The following MGAT4C variants were observed in gnomAD, a reference collection of about 807,000 sequenced individuals.
MGAT4C encodes the protein MGAT4 family member C.
A neutral mutation model predicts 40.1 loss-of-function variants in MGAT4C; 19 were observed. That is an observed-to-expected ratio of 0.47 (90% CI 0.33 to 0.70). The LOEUF (loss-of-function observed/expected upper bound fraction) is 0.70. Among genes scored for constraint, MGAT4C ranks in the 30% least tolerant of loss-of-function variants. The probability of loss-of-function intolerance (pLI) is 0.02; values close to 1 mark genes in which losing one functional copy is unlikely to be tolerated. For missense variants in MGAT4C, 491 were observed against 563.2 expected, an observed-to-expected ratio of 0.87 and a Z score of 1.30; for synonymous variants, 181 against 187.1, an observed-to-expected ratio of 0.97 and a Z score of 0.27.
At chr12:86,686,552 T>G (rs1375790691) in intron 2 of MGAT4C, among the ~76,000 whole-genome samples, 2 of 152,220 alleles carry the variant, frequency 1.3e-5, no homozygotes, top group Non-Finnish European at 2.9e-5. Context: ...GAAGTGTTGT[T>G]GAATTTTATC....
At chr12:86,778,026 C>T (rs1443610921) in intron 1 of MGAT4C, among the ~76,000 whole-genome samples, 1 of 152,066 alleles carries the variant, frequency 6.6e-6, no homozygotes, top group East Asian at 1.9e-4. Context: ...ATAAATACAG[C>T]CTAGAGATAT....
intron 1 of MGAT4C, among the ~76,000 whole-genome samples, chr12:86,832,730 T>C (rs1952956255): frequency 6.6e-6 from 1 of 151,832 alleles, no homozygotes; most frequent in East Asian, 1.9e-4. Context: ...ACAAAGATTC[T>C]GACCCAAACC....
intron 1 of MGAT4C, among the ~76,000 whole-genome samples, chr12:86,058,052 T>G (rs1266428001): frequency 6.6e-6 from 1 of 152,122 alleles, no homozygotes; most frequent in Non-Finnish European, 1.5e-5. Flanking sequence ...TTGCTTAGAT[T>G]TTTATAAAAG....
At chr12:86,107,322 C>A (rs1490569994) in intron 1 of MGAT4C, among the ~76,000 whole-genome samples, 1 of 151,992 alleles carries the variant, frequency 6.6e-6, no homozygotes, top group East Asian at 1.9e-4. Flanking sequence ...AAAGCCAGTT[C>A]TCTTTTTTGA....
chr12:86,799,607 T>C (rs1055263901), intron 1 of MGAT4C, among the ~76,000 whole-genome samples: 3 of 151,968 alleles, frequency 2.0e-5, no homozygotes, highest in African/African-American at 7.2e-5. Context: ...TAGAAGCTAC[T>C]TAATAGTAAA....
intron 2 of MGAT4C, among the ~76,000 whole-genome samples, chr12:86,476,025 C>T (rs1957830299): frequency 6.6e-6 from 1 of 151,982 alleles, no homozygotes; most frequent in Non-Finnish European, 1.5e-5. Context: ...CATCCATCAC[C>T]TTCCATAGTA....
intron 3 of MGAT4C, among the ~76,000 whole-genome samples, chr12:86,425,114 C>A (rs1027467099): frequency 3.3e-5 from 5 of 152,116 alleles, no homozygotes; most frequent in Admixed American, 2.0e-4. Flanking sequence ...AATTCCCATA[C>A]TCATTAAGTG....
intron 2 of MGAT4C, among the ~76,000 whole-genome samples, chr12:86,444,502 C>T (rs1165851558): frequency 2.0e-5 from 3 of 152,102 alleles, no homozygotes; most frequent in Admixed American, 6.6e-5. Context: ...TATGATTCTC[C>T]ATCTGCATAC....
At chr12:86,110,323 C>T (rs1244300723) in intron 1 of MGAT4C, among the ~76,000 whole-genome samples, 1 of 4,930 alleles carries the variant, frequency 2.0e-4, no homozygotes, top group African/African-American at 7.7e-4. Flanking sequence ...TATATAGTCT[C>T]TCTCTCTGTA....
In MGAT4C at chr12:85,964,987, T is replaced by C. The variant is rs910272896; in HGVS notation, c.*14302A>G. ...TTGGATTATGATGAAAACCGTGGAG[T>C]CTTTCTATTCTCTGTCAAATGTGGA... On this transcript the variant is annotated 3_prime_UTR_variant, in exon 5 of 5. Coordinates refer to ENST00000611864, the MANE Select transcript of MGAT4C (RefSeq NM_001351288.2). 3.9e-5 allele frequency: 6 copies of C among 151,956 alleles called. No homozygotes were observed. The highest frequency in any genetic ancestry group is 1.5e-4 in the African/African-American group (6 of 41,362). The allele number at this position is 151,956 out of a possible 1,614,324, so 9.4% of individuals were successfully genotyped here. A position where few individuals can be genotyped will look rare whatever the true frequency, so the allele number is the denominator to read the frequency against.
intron 2 of MGAT4C, among the ~76,000 whole-genome samples, chr12:86,702,063 C>T (rs574351651): frequency 1.1e-4 from 17 of 152,186 alleles, no homozygotes; most frequent in Admixed American, 5.2e-4. Context: ...TTCTCTTTCG[C>T]ACAGGGAAGA....
chr12:86,699,557 C>A (rs2136611566), intron 2 of MGAT4C, among the ~76,000 whole-genome samples: 1 of 152,058 alleles, frequency 6.6e-6, no homozygotes, highest in Admixed American at 6.6e-5. Flanking sequence ...GACCCTTGAA[C>A]AACATGGGGG....
intron 2 of MGAT4C, among the ~76,000 whole-genome samples, chr12:86,724,213 T>C (rs1315860808): frequency 2.6e-5 from 4 of 152,172 alleles, no homozygotes; most frequent in Non-Finnish European, 5.9e-5. Context: ...TTATGGCAAA[T>C]GAGCACTCCA....
chr12:86,189,259 T>A (rs1002367113), intron 1 of MGAT4C, among the ~76,000 whole-genome samples: 8 of 151,966 alleles, frequency 5.3e-5, no homozygotes, highest in Non-Finnish European at 1.2e-4. Flanking sequence ...AAATTTCTCA[T>A]AAAATTATTT....
At position 85,972,858 on chromosome 12, in the gene MGAT4C, T is replaced by C. The variant is rs997184129; in HGVS notation, c.*6431A>G. The C allele has an allele frequency of 1.3e-5, 2 of 150,952 alleles. No homozygotes were observed. The highest frequency in any genetic ancestry group is 2.4e-5 in the African/African-American group (1 of 41,308). 9.4% of individuals were successfully genotyped at this position (150,952 alleles called of 1,614,324 possible). ...TGTGGCAGAAAATACATACATATGT[T>C]TAAAAGTAGGGAAAATTTTATCAAT... On this transcript the variant is annotated 3_prime_UTR_variant, in exon 5 of 5. Transcript: ENST00000611864.
intron 1 of MGAT4C, among the ~76,000 whole-genome samples, chr12:86,171,755 C>T (rs1370890819): frequency 6.6e-6 from 1 of 152,130 alleles, no homozygotes; most frequent in African/African-American, 2.4e-5. Flanking sequence ...ATTCCAGCAA[C>T]CTTTGTGATT....
chr12:86,377,988 A>C (rs987377029), intron 3 of MGAT4C, among the ~76,000 whole-genome samples: 1 of 152,138 alleles, frequency 6.6e-6, no homozygotes, highest in Non-Finnish European at 1.5e-5. Flanking sequence ...GGTTTATTTC[A>C]CATTGCATAA....
At chr12:86,734,892 C>A (rs1950962056) in intron 1 of MGAT4C, among the ~76,000 whole-genome samples, 1 of 151,908 alleles carries the variant, frequency 6.6e-6, no homozygotes, top group Non-Finnish European at 1.5e-5. Flanking sequence ...TGTATTTGTT[C>A]TGGTAAGAAG....
At chr12:86,046,031 A>C (rs971455704) in intron 2 of MGAT4C, among the ~76,000 whole-genome samples, 4 of 152,226 alleles carry the variant, frequency 2.6e-5, no homozygotes, top group African/African-American at 9.6e-5. Context: ...AGGTGACAGC[A>C]GTATTACTTC....
Sources: gnomAD v4.1 joint callset for allele counts (sites outside exome capture counted in the v4.1 genomes callset) on GRCh38, gnomAD v4.1.1 for gene constraint, MANE v1.5 for transcripts, NCBI Gene and HGNC (gene_info 2026-07-23, HGNC 2026-07-21) for gene names.